SLCO6A1: variants seen among roughly 807,000 people sequenced by gnomAD.
The protein encoded by SLCO6A1 is cancer/testis antigen 48.
In SLCO6A1, 65 loss-of-function variants were observed where a neutral mutation model predicts 72.7. The observed-to-expected ratio is 0.89, with a 90% confidence interval of 0.73 to 1.10. The LOEUF (loss-of-function observed/expected upper bound fraction) is 1.10. SLCO6A1 is among the 50% of genes least tolerant of loss of function. The pLI is 0.00. For missense variants in SLCO6A1, 874 were observed against 872.6 expected, an observed-to-expected ratio of 1.00 and a Z score of -0.02; for synonymous variants, 314 against 298.2, an observed-to-expected ratio of 1.05 and a Z score of -0.55.
chr5:102,492,819 G>C (rs1752743325), intron 1 of SLCO6A1, among the ~76,000 whole-genome samples: 1 of 152,198 alleles, frequency 6.6e-6, no homozygotes, highest in Non-Finnish European at 1.5e-5. Flanking sequence ...CAAACTGCAA[G>C]GCGGCAACGA....
chr5:102,423,795 T>C (rs1748739573), intron 7 of SLCO6A1, among the ~76,000 whole-genome samples: 1 of 152,156 alleles, frequency 6.6e-6, no homozygotes, highest in Non-Finnish European at 1.5e-5. Flanking sequence ...TACAGAACTC[T>C]TCACCCCAAA....
intron 6 of SLCO6A1, among the ~76,000 whole-genome samples, chr5:102,441,989 CATTT>C (rs1749860567): frequency 6.6e-6 from 1 of 151,838 alleles, no homozygotes; most frequent in Admixed American, 6.6e-5. Flanking sequence ...GTTATTTATT[CATTT>C]ATTTTAAAAT....
chr5:102,396,735 T>C (rs1747105551), intron 10 of SLCO6A1, among the ~76,000 whole-genome samples: 1 of 152,172 alleles, frequency 6.6e-6, no homozygotes, highest in Admixed American at 6.5e-5. Flanking sequence ...GTAAAAATAG[T>C]ACAAAGCATG....
chr5:102,373,911 T>G (rs999737140), intron 12 of SLCO6A1, among the ~76,000 whole-genome samples: 1 of 152,210 alleles, frequency 6.6e-6, no homozygotes, highest in Non-Finnish European at 1.5e-5. Flanking sequence ...ATTTTGCAGG[T>G]TTTTTCATTT....
intron 10 of SLCO6A1, among the ~76,000 whole-genome samples, chr5:102,399,260 C>A (rs1353041100): frequency 8.7e-6 from 1 of 115,356 alleles, no homozygotes; most frequent in African/African-American, 3.3e-5. Context: ...ATAATCAAAT[C>A]TGTTAAAATT....
chr5:102,388,634 A>G (rs1746551921), intron 12 of SLCO6A1, 54 bp downstream of exon 12: 3 of 1,280,474 alleles, frequency 2.3e-6, no homozygotes, highest in Non-Finnish European at 2.1e-6. Context: ...ATTAACAACC[A>G]TAACTTTTAG....
chr5:102,480,665 T>C (rs1561496721), intron 1 of SLCO6A1, among the ~76,000 whole-genome samples: 2 of 152,194 alleles, frequency 1.3e-5, no homozygotes, highest in Non-Finnish European at 1.5e-5. Flanking sequence ...CCTCTCTGAG[T>C]AATTTCCTAA....
intron 7 of SLCO6A1, among the ~76,000 whole-genome samples, chr5:102,434,392 T>G (rs903135485): frequency 6.6e-6 from 1 of 152,202 alleles, no homozygotes; most frequent in Non-Finnish European, 1.5e-5. Flanking sequence ...ATTTCTTTCA[T>G]GTAATGCAAC....
intron 1 of SLCO6A1, among the ~76,000 whole-genome samples, chr5:102,494,962 TTA>T (rs1207247661): frequency 1.3e-5 from 2 of 152,226 alleles, no homozygotes; most frequent in African/African-American, 4.8e-5. Context: ...ACAGCATTAT[TTA>T]TAGTAGTCAA....
intron 6 of SLCO6A1, among the ~76,000 whole-genome samples, chr5:102,454,164 G>C (rs1750579876): frequency 1.3e-5 from 2 of 152,076 alleles, no homozygotes; most frequent in African/African-American, 2.4e-5. Context: ...TGTAATTGCT[G>C]ACTACAATGT....
chr5:102,486,554 C>T (rs1251430821), intron 1 of SLCO6A1, among the ~76,000 whole-genome samples: 1 of 151,968 alleles, frequency 6.6e-6, no homozygotes, highest in Non-Finnish European at 1.5e-5. Flanking sequence ...AAAAGTCCAA[C>T]ATTTGTGAAG....
At chr5:102,388,100 C>T (rs1746515637) in intron 12 of SLCO6A1, among the ~76,000 whole-genome samples, 3 of 152,006 alleles carry the variant, frequency 2.0e-5, no homozygotes, top group African/African-American at 7.2e-5. Flanking sequence ...TCTAATGGTG[C>T]AAAAATTTTC....
chr5:102,389,440 A>ACC (rs1405717636), intron 11 of SLCO6A1, among the ~76,000 whole-genome samples: 79 of 52,832 alleles, frequency 1.5e-3, no homozygotes, highest in African/African-American at 2.4e-3. Context: ...ACAGTCACAC[A>ACC]CCCCGCCCCC....
At chr5:102,485,289 T>TAAATA (rs563350296) in intron 1 of SLCO6A1, among the ~76,000 whole-genome samples, 8 of 143,586 alleles carry the variant, frequency 5.6e-5, no homozygotes, top group East Asian at 4.0e-4. Context: ...AATAAATAAA[T>TAAATA]AAATAAAATA....
At chr5:102,376,231 A>T (rs1376322918) in intron 12 of SLCO6A1, among the ~76,000 whole-genome samples, 1 of 152,136 alleles carries the variant, frequency 6.6e-6, no homozygotes, top group Admixed American at 6.6e-5. Flanking sequence ...GTCTCATTAA[A>T]CAAAAATGTA....
chr5:102,460,952 A>C (rs1045041446), intron 4 of SLCO6A1, among the ~76,000 whole-genome samples: 18 of 44,164 alleles, frequency 4.1e-4, no homozygotes, highest in Middle Eastern at 0.02. Context: ...ATATATATAT[A>C]TATCTGCATA....
chr5:102,375,147 A>T (rs1481035452), intron 12 of SLCO6A1, among the ~76,000 whole-genome samples: 3 of 152,208 alleles, frequency 2.0e-5, no homozygotes, highest in Non-Finnish European at 4.4e-5. Flanking sequence ...AGTTGAAGAC[A>T]GCAAAGCTTT....
rs909252175 is a variant in SLCO6A1, at chr5:102,428,575, G to T, written c.1277-8554C>A. 3.3e-5 allele frequency among the ~76,000 whole-genome samples: 5 copies of T among 152,196 alleles called. No homozygotes were observed. The East Asian group carries it at 9.7e-4, about 29-fold the overall frequency. Reference sequence around the variant, plus strand: ...AGGTAAACTTGTGTCACAAGGGTTTGTTATACAGATTATCTCATTACCCAG... The same window carrying T: ...AGGTAAACTTGTGTCACAAGGGTTTTTTATACAGATTATCTCATTACCCAG... On this transcript the variant is annotated intron_variant, in intron 7 of 13. Transcript: ENST00000506729.
chr5:102,390,915 A>G, intron 11 of SLCO6A1, 66 bp downstream of exon 11: 1 of 1,261,980 alleles, frequency 7.9e-7, no homozygotes, highest in East Asian at 2.3e-5. Flanking sequence ...TACTAAATAC[A>G]CATGTAGACA....
Sources: gnomAD v4.1 joint callset for allele counts (sites outside exome capture counted in the v4.1 genomes callset) on GRCh38, gnomAD v4.1.1 for gene constraint, MANE v1.5 for transcripts, NCBI Gene and HGNC (gene_info 2026-07-23, HGNC 2026-07-21) for gene names.